Variants in ZRANB3 observed in about 807,000 individuals in gnomAD.
The protein encoded by ZRANB3 is DNA annealing helicase and endonuclease ZRANB3.
Under a neutral mutation model 133.8 loss-of-function variants are expected in ZRANB3, and 125 were observed. The ratio of observed to expected loss-of-function variants is 0.93; its 90% CI spans 0.81 to 1.08. The LOEUF (loss-of-function observed/expected upper bound fraction) is 1.08, where lower values mean the gene tolerates loss of function less well. Among genes scored for constraint, ZRANB3 ranks in the 50% least tolerant of loss-of-function variants. ZRANB3 has a pLI of 0.00. For missense variants in ZRANB3, 1,229 were observed against 1,275.5 expected (o/e 0.96, Z 0.56); for synonymous variants, 387 against 432.7 (o/e 0.89, Z 1.31).
At chr2:135,343,010 CAAAAAAAA>C (rs11435525) in intron 6 of ZRANB3, among the ~76,000 whole-genome samples, 4 of 55,226 alleles carry the variant, frequency 7.2e-5, no homozygotes, top group East Asian at 5.2e-4. Context: ...ACTAAAAATC[CAAAAAAAA>C]AAAAAAAAAA....
At chr2:135,235,282 G>C (rs1695235486) in intron 12 of ZRANB3, among the ~76,000 whole-genome samples, 8 of 152,180 alleles carry the variant, frequency 5.3e-5, no homozygotes, top group Admixed American at 2.0e-4. Context: ...CTCTGAAATT[G>C]AGGCAATAAT....
intron 3 of ZRANB3, among the ~76,000 whole-genome samples, chr2:135,380,916 T>C (rs1260059604): frequency 6.6e-6 from 1 of 152,086 alleles, no homozygotes; most frequent in Non-Finnish European, 1.5e-5. Context: ...CTACAGCCCC[T>C]AGCATGAGCG....
Position 135,345,644 on chromosome 2 carries a change from A to G in ZRANB3, c.592-9T>C. Reference sequence around the variant, plus strand: ...TCAATCTGCATAAAAAGCTATAATAATACAAGTGTTTGTAGTATGTTGTAA... The same window carrying G: ...TCAATCTGCATAAAAAGCTATAATAGTACAAGTGTTTGTAGTATGTTGTAA... On this transcript the variant is annotated splice_polypyrimidine_tract_variant and intron_variant, in intron 5 of 20. Transcript: ENST00000264159. The G allele has an allele frequency of 3.2e-6, 5 of 1,573,422 alleles. No homozygotes were observed. Among genetic ancestry groups the G allele is most frequent in the Non-Finnish European group, 3.5e-6 (4 of 1,148,290 alleles).
chr2:135,444,356 T>C (rs1689923871), intron 2 of ZRANB3, among the ~76,000 whole-genome samples: 1 of 152,068 alleles, frequency 6.6e-6, no homozygotes, highest in Non-Finnish European at 1.5e-5. Context: ...AGCCCCAAAG[T>C]GGAAAAATAC....
chr2:135,406,490 A>G (rs946862870), intron 2 of ZRANB3, among the ~76,000 whole-genome samples: 3 of 152,212 alleles, frequency 2.0e-5, no homozygotes, highest in African/African-American at 2.4e-5. Context: ...CATCATTCTG[A>G]TACCAAAGCC....
chr2:135,386,671 G>T (rs1451127473), intron 3 of ZRANB3, among the ~76,000 whole-genome samples: 2 of 152,180 alleles, frequency 1.3e-5, no homozygotes, highest in Non-Finnish European at 2.9e-5. Flanking sequence ...CATAAAAAAG[G>T]ATAAGTTCGT....
At chr2:135,469,527 G>A (rs2105025571) in intron 2 of ZRANB3, among the ~76,000 whole-genome samples, 1 of 152,112 alleles carries the variant, frequency 6.6e-6, no homozygotes, top group South Asian at 2.1e-4. Context: ...CCATACTAAT[G>A]TATAATAGAA....
intron 2 of ZRANB3, among the ~76,000 whole-genome samples, chr2:135,469,468 G>T (rs1046815135): frequency 6.6e-6 from 1 of 151,882 alleles, no homozygotes; most frequent in Non-Finnish European, 1.5e-5. Flanking sequence ...TATCAGTTAA[G>T]AACATAATTA....
chr2:135,398,703 T>G (rs1330706506), intron 2 of ZRANB3, among the ~76,000 whole-genome samples: 5 of 151,418 alleles, frequency 3.3e-5, no homozygotes, highest in Non-Finnish European at 7.4e-5. Flanking sequence ...TTTTGTATTT[T>G]TAGTAGAGAC....
At chr2:135,382,090 C>A (rs1386654493) in intron 3 of ZRANB3, among the ~76,000 whole-genome samples, 4 of 151,974 alleles carry the variant, frequency 2.6e-5, no homozygotes, top group African/African-American at 7.3e-5. Context: ...ACTTAAAAAC[C>A]TTGAAAAAAG....
intron 20 of ZRANB3, among the ~76,000 whole-genome samples, chr2:135,201,230 T>C (rs1473874437): frequency 6.6e-6 from 1 of 152,230 alleles, no homozygotes; most frequent in African/African-American, 2.4e-5. Flanking sequence ...TGCATTTTCT[T>C]TGGCTATTTC....
intron 2 of ZRANB3, among the ~76,000 whole-genome samples, chr2:135,441,406 C>G (rs1361869854): frequency 6.6e-6 from 1 of 152,034 alleles, no homozygotes; most frequent in East Asian, 1.9e-4. Context: ...GAAGGTGAAA[C>G]AAAGACATTC....
chr2:135,508,882 A>C (rs1373334099), intron 1 of ZRANB3, among the ~76,000 whole-genome samples: 1 of 152,172 alleles, frequency 6.6e-6, no homozygotes, highest in East Asian at 1.9e-4. Flanking sequence ...TAGATTACCA[A>C]GAAATTAACA....
At chr2:135,229,394 G>A (rs1483434967) in intron 13 of ZRANB3, among the ~76,000 whole-genome samples, 6 of 147,178 alleles carry the variant, frequency 4.1e-5, no homozygotes, top group Admixed American at 1.3e-4. Context: ...TTGAGACGGA[G>A]TCTCGCTCTG....
chr2:135,410,170 A>G (rs565717437), intron 2 of ZRANB3, among the ~76,000 whole-genome samples: 3 of 152,314 alleles, frequency 2.0e-5, no homozygotes, highest in South Asian at 4.1e-4. Context: ...AAGAGCCCCA[A>G]TAGCCAAGGT....
At chr2:135,335,304 C>T (rs151243400) in intron 6 of ZRANB3, among the ~76,000 whole-genome samples, 170 of 151,796 alleles carry the variant, frequency 1.1e-3, no homozygotes, top group African/African-American at 3.8e-3. Flanking sequence ...TTCTGGGTGA[C>T]ACAGAATAGT....
chr2:135,269,347 G>A (rs2105117487), intron 10 of ZRANB3, among the ~76,000 whole-genome samples: 1 of 152,150 alleles, frequency 6.6e-6, no homozygotes, highest in Non-Finnish European at 1.5e-5. Context: ...AAACACATTT[G>A]AAAGGTATTT....
intron 2 of ZRANB3, among the ~76,000 whole-genome samples, chr2:135,487,319 A>C (rs1269306624): frequency 2.0e-5 from 3 of 152,236 alleles, no homozygotes. Context: ...GAGTAGATTT[A>C]GGATAAATCT....
At chr2:135,211,498 G>A (rs914191438) in intron 17 of ZRANB3, among the ~76,000 whole-genome samples, 2 of 152,082 alleles carry the variant, frequency 1.3e-5, no homozygotes, top group African/African-American at 4.8e-5. Flanking sequence ...CTGAGATCCC[G>A]CCACTGCACT....
Sources: allele counts gnomAD v4.1 joint callset (sites outside exome capture counted in the v4.1 genomes callset), GRCh38; gene constraint gnomAD v4.1.1; transcripts MANE v1.5; gene names NCBI Gene and HGNC (gene_info 2026-07-23, HGNC 2026-07-21).